Variants in DRD3 observed in about 807,000 individuals in gnomAD.
DRD3 encodes D(3) dopamine receptor.
Under a neutral mutation model 36.3 loss-of-function variants are expected in DRD3, and 19 were observed. The observed-to-expected ratio is 0.52, with a 90% CI of 0.36 to 0.77. The LOEUF is 0.77. Among genes scored for constraint, DRD3 ranks in the 30% least tolerant of loss-of-function variants. The pLI, the probability that DRD3 is intolerant of heterozygous loss-of-function variation, is 0.00. For synonymous variants in DRD3, 195 were observed against 203.7 expected, an observed-to-expected ratio of 0.96 and a Z score of 0.36; for missense variants, 465 against 505.3, an observed-to-expected ratio of 0.92 and a Z score of 0.77.
intron 2 of DRD3, among the ~76,000 whole-genome samples, chr3:114,162,508 C>T (rs1303224555): frequency 2.0e-5 from 3 of 152,172 alleles, no homozygotes; most frequent in African/African-American, 7.2e-5. Context: ...AATAAATGAC[C>T]TCTGACATAA....
At chr3:114,161,075 G>T (rs111419936) in intron 2 of DRD3, among the ~76,000 whole-genome samples, 2,353 of 152,230 alleles carry the variant, frequency 0.015, 57 homozygotes, top group African/African-American at 0.051. Flanking sequence ...GGCCACTCAT[G>T]GACCGCGAGG....
chr3:114,151,355 T>G (rs771682597), intron 3 of DRD3, among the ~76,000 whole-genome samples: 1 of 152,164 alleles, frequency 6.6e-6, no homozygotes, highest in Admixed American at 6.5e-5. Flanking sequence ...TGTCCTTTGA[T>G]GTAAAAGAGC....
intron 3 of DRD3, among the ~76,000 whole-genome samples, chr3:114,156,067 A>T (rs2077664526): frequency 1.3e-5 from 2 of 152,180 alleles, no homozygotes; most frequent in Non-Finnish European, 2.9e-5. Flanking sequence ...AACTCATTTC[A>T]TCTTCACAAT....
Position 114,128,905 on chromosome 3 carries a change from G to A in DRD3, c.1014C>T (p.Phe338=), listed in dbSNP as rs374634853. 37 of 1,598,420 alleles carry A rather than the reference G, an allele frequency of 2.3e-5. No homozygotes were observed. The African/African-American group carries it at 4.6e-4, about 20-fold the overall frequency. ...TQMVAIVLGA[F]IVCWLPFFLT... ...AGAAGAAGGGCAGCCAGCAGACAAT[G>A]AAGGCCCCTAAGTTGCCAAATAAGA... The change falls in exon 7 of 7, where the codon TTC becomes TTT. Residue 338 remains phenylalanine (F), a synonymous_variant. Transcript: ENST00000383673.
intron 1 of DRD3, among the ~76,000 whole-genome samples, chr3:114,188,119 G>A (rs2077985501): frequency 6.6e-6 from 1 of 151,424 alleles, no homozygotes; most frequent in Non-Finnish European, 1.5e-5. Context: ...TCAATTGAAT[G>A]AAATGATAAA....
chr3:114,131,447 T>G, intron 5 of DRD3, 47 bp from the exon 6 acceptor site: 1 of 1,576,026 alleles, frequency 6.3e-7, no homozygotes, highest in Non-Finnish European at 8.6e-7. Flanking sequence ...GGGGTATTGT[T>G]TATCTTCTGA....
chr3:114,137,418 C>G (rs1398848234), intron 5 of DRD3, among the ~76,000 whole-genome samples: 1 of 152,204 alleles, frequency 6.6e-6, no homozygotes, highest in Non-Finnish European at 1.5e-5. Flanking sequence ...ACTTTCATAT[C>G]CTCAGCCTTG....
In DRD3 at chr3:114,139,519, C is replaced by T; in HGVS notation, c.704G>A (p.Arg235Lys). Residue 235 changes from arginine (R) to lysine (K), a missense_variant, in exon 5 of 7, where the codon AGG (arginine) becomes AAG (lysine). Coordinates refer to ENST00000383673, the MANE Select transcript of DRD3 (RefSeq NM_000796.6). ...ACTTACTTGCTGGGGGAAGCCAGGCCTGACACTGTTGCACTGACTGTTCTG... is the reference window on the plus strand; with the variant it reads ...ACTTACTTGCTGGGGGAAGCCAGGCTTGACACTGTTGCACTGACTGTTCTG... ...TRQNSQCNSV[R>K]PGFPQQTLSP... 6.2e-7 allele frequency: 1 copy of T among 1,613,706 alleles called. No individual in the cohort carries two copies. Among genetic ancestry groups the T allele is most frequent in the African/African-American group, 1.3e-5 (1 of 75,020 alleles).
chr3:114,173,172 C>T (rs1402690970), intron 1 of DRD3, among the ~76,000 whole-genome samples: 1 of 152,066 alleles, frequency 6.6e-6, no homozygotes, highest in Non-Finnish European at 1.5e-5. Flanking sequence ...CATCTATGAA[C>T]CAGAAAGCAG....
At chr3:114,162,295 T>A (rs1400242680) in intron 2 of DRD3, among the ~76,000 whole-genome samples, 1 of 152,236 alleles carries the variant, frequency 6.6e-6, no homozygotes, top group Non-Finnish European at 1.5e-5. Context: ...TCTATAACTT[T>A]GAAACTTCAG....
chr3:114,187,087 G>A (rs36212516), intron 1 of DRD3, among the ~76,000 whole-genome samples: 4,354 of 152,308 alleles, frequency 0.029, 111 homozygotes, highest in Non-Finnish European at 0.046. Context: ...ATGTATCATG[G>A]GGAATAAGAT....
chr3:114,178,490 A>C (rs903323533), intron 1 of DRD3, among the ~76,000 whole-genome samples, 167 bp downstream of exon 1: 2 of 152,170 alleles, frequency 1.3e-5, no homozygotes, highest in African/African-American at 4.8e-5. Flanking sequence ...CTGTCCAACC[A>C]CTTAGAAGAA....
intron 3 of DRD3, among the ~76,000 whole-genome samples, chr3:114,148,068 G>A (rs1411129155): frequency 6.6e-6 from 1 of 152,216 alleles, no homozygotes; most frequent in Non-Finnish European, 1.5e-5. Flanking sequence ...TAGCAGAAAG[G>A]TTGAGATAAG....
chr3:114,155,627 A>G (rs1168657020), intron 3 of DRD3, among the ~76,000 whole-genome samples: 2 of 149,912 alleles, frequency 1.3e-5, no homozygotes, highest in African/African-American at 4.8e-5. Context: ...GGCCAACTCT[A>G]GGCTTGGAAA....
chr3:114,160,876 A>ACCT (rs35185964), intron 2 of DRD3, among the ~76,000 whole-genome samples: 88,008 of 151,708 alleles, frequency 0.58, 28,209 homozygotes, highest in Non-Finnish European at 0.72. Context: ...GATGGTTTCA[A>ACCT]CCTCATGCAT....
rs542599152 is a variant in DRD3, at chr3:114,178,732, A to T, written c.-111T>A. On this transcript the variant is annotated 5_prime_UTR_variant, in exon 1 of 7. Coordinates refer to ENST00000383673, the MANE Select transcript of DRD3 (RefSeq NM_000796.6). ...TCCTGCAGCCATTTACTGACAGCAGACATACCCAAGCAAAGCAAACTTTGC... is the reference window on the plus strand; with the variant it reads ...TCCTGCAGCCATTTACTGACAGCAGTCATACCCAAGCAAAGCAAACTTTGC... 1 of 152,316 alleles carries T rather than the reference A, an allele frequency of 6.6e-6. No individual in the cohort carries two copies. Among genetic ancestry groups the T allele is most frequent in the East Asian group, 1.9e-4 (1 of 5,182 alleles). 9.4% of individuals were successfully genotyped at this position (152,316 alleles called of 1,614,324 possible). A position where few individuals can be genotyped will look rare whatever the true frequency, so the allele number is the denominator to read the frequency against.
At chr3:114,184,552 TC>T (rs1212880913) in intron 1 of DRD3, among the ~76,000 whole-genome samples, 1 of 151,956 alleles carries the variant, frequency 6.6e-6, no homozygotes, top group Non-Finnish European at 1.5e-5. Flanking sequence ...CTGTCTAATG[TC>T]CTTTCATTTC....
At position 114,146,711 on chromosome 3, in the gene DRD3, A is replaced by G. The variant is rs1000390586; in HGVS notation, c.526+704T>C. On this transcript the variant is annotated intron_variant, in intron 4 of 6. Coordinates refer to ENST00000383673, the MANE Select transcript of DRD3 (RefSeq NM_000796.6). ...GAGACTTGGTCTCAAAAAAAAAAAA[A>G]AAAGAAAAAGAAAAAGAAAAAAAAT... is the stretch of plus-strand genomic sequence containing the variant. 1.4e-4 allele frequency among the ~76,000 whole-genome samples: 21 copies of G among 150,402 alleles called. No homozygotes were observed. In the South Asian group the frequency reaches 3.8e-3, roughly 27 times the overall value.
At chr3:114,136,205 C>G (rs1049914802) in intron 5 of DRD3, among the ~76,000 whole-genome samples, 5 of 150,898 alleles carry the variant, frequency 3.3e-5, no homozygotes, top group Non-Finnish European at 7.4e-5. Flanking sequence ...CAGAGTGAGA[C>G]TCTGTCTCAA....
Sources: allele counts gnomAD v4.1 joint callset (sites outside exome capture counted in the v4.1 genomes callset), GRCh38; gene constraint gnomAD v4.1.1; transcripts MANE v1.5; gene names NCBI Gene and HGNC (gene_info 2026-07-23, HGNC 2026-07-21).